Variants in DPP6 observed in about 807,000 individuals in gnomAD.
DPP6 encodes the protein dipeptidyl peptidase like 6, also known as A-type potassium channel modulatory protein DPP6.
Under a neutral mutation model 122.6 loss-of-function variants are expected in DPP6, and 69 were observed. The ratio of observed to expected loss-of-function variants is 0.56; its 90% CI spans 0.46 to 0.69. DPP6 has a LOEUF of 0.69. Ranked by LOEUF, DPP6 falls within the 30% of genes least tolerant of loss-of-function variation. DPP6 has a pLI of 0.00. For synonymous variants in DPP6, 418 were observed against 433.1 expected (o/e 0.97, Z 0.43); for missense variants, 928 against 1,116.9 (o/e 0.83, Z 2.41).
chr7:154,786,112 T>C (rs937952217), intron 10 of DPP6, among the ~76,000 whole-genome samples: 59 of 152,230 alleles, frequency 3.9e-4, no homozygotes, highest in African/African-American at 1.4e-3. Context: ...TCACGTGATT[T>C]ACTCCCTCTT....
chr7:154,498,916 T>G (rs744684), intron 3 of DPP6, among the ~76,000 whole-genome samples: 33,897 of 152,102 alleles, frequency 0.22, 4,236 homozygotes, highest in East Asian at 0.38. Context: ...TACTATTCTA[T>G]ATCCCTGCTC....
intron 5 of DPP6, among the ~76,000 whole-genome samples, chr7:154,610,925 A>G (rs28588717): frequency 0.4 from 61,166 of 151,616 alleles, 13,280 homozygotes; most frequent in East Asian, 0.65. Context: ...CTAACCTCTC[A>G]CCTTTGTAAG....
intron 5 of DPP6, among the ~76,000 whole-genome samples, chr7:154,621,829 C>A (rs1218126543): frequency 6.6e-6 from 1 of 152,174 alleles, no homozygotes; most frequent in Non-Finnish European, 1.5e-5. Context: ...GGCACTTCAA[C>A]CTGCTGGCAA....
chr7:154,529,871 A>G (rs1201001918), intron 3 of DPP6, among the ~76,000 whole-genome samples: 1 of 152,250 alleles, frequency 6.6e-6, no homozygotes, highest in African/African-American at 2.4e-5. Context: ...CATGCCTATA[A>G]TCCCAGCACT....
chr7:154,668,062 C>G (rs2131093153), intron 6 of DPP6, among the ~76,000 whole-genome samples: 1 of 150,264 alleles, frequency 6.7e-6, no homozygotes, highest in South Asian at 2.2e-4. Context: ...TCCTTAGCCC[C>G]TTCACCTTCC....
At chr7:154,332,695 G>A (rs1809057180) in intron 1 of DPP6, among the ~76,000 whole-genome samples, 2 of 152,204 alleles carry the variant, frequency 1.3e-5, no homozygotes, top group African/African-American at 4.8e-5. Flanking sequence ...ATGGATCTAG[G>A]TTTATAAAGT....
intron 5 of DPP6, among the ~76,000 whole-genome samples, chr7:154,575,162 GTA>G (rs1831481057): frequency 7.3e-6 from 1 of 136,400 alleles, no homozygotes; most frequent in South Asian, 2.5e-4. Flanking sequence ...TGGTCTGTGT[GTA>G]TGTGTGTGGG....
intron 16 of DPP6, among the ~76,000 whole-genome samples, chr7:154,832,364 T>C (rs73483991): frequency 0.028 from 4,337 of 152,214 alleles, 195 homozygotes; most frequent in African/African-American, 0.098. Flanking sequence ...ACGATAAGTA[T>C]GCATTTGCAT....
intron 1 of DPP6, among the ~76,000 whole-genome samples, chr7:154,419,884 A>G (rs1817317655): frequency 6.6e-6 from 1 of 152,228 alleles, no homozygotes; most frequent in Non-Finnish European, 1.5e-5. Flanking sequence ...AAGAGACACC[A>G]GCACCCCCAT....
chr7:154,433,142 T>TTTTTTTTG (rs1201855873), intron 1 of DPP6, among the ~76,000 whole-genome samples: 3 of 112,388 alleles, frequency 2.7e-5, no homozygotes, highest in African/African-American at 1.5e-4. Flanking sequence ...GCAAGTTTTT[T>TTTTTTTTG]TTTTTTTTTT....
At chr7:154,362,005 T>C (rs1257069687) in intron 1 of DPP6, among the ~76,000 whole-genome samples, 1 of 152,242 alleles carries the variant, frequency 6.6e-6, no homozygotes, top group African/African-American at 2.4e-5. Flanking sequence ...ACACTGACCA[T>C]CTTGCAGTCA....
At chr7:154,849,672 T>C (rs1006995019) in intron 16 of DPP6, among the ~76,000 whole-genome samples, 4 of 152,242 alleles carry the variant, frequency 2.6e-5, no homozygotes, top group African/African-American at 9.6e-5. Flanking sequence ...TTTTCTTGCC[T>C]AATTGCTCTT....
At chr7:154,388,460 C>T (rs1438450896) in intron 1 of DPP6, among the ~76,000 whole-genome samples, 1 of 152,160 alleles carries the variant, frequency 6.6e-6, no homozygotes, top group Non-Finnish European at 1.5e-5. Context: ...CCCAAGTCTT[C>T]CCCCCAAAAC....
intron 1 of DPP6, among the ~76,000 whole-genome samples, chr7:154,027,694 C>T (rs2129053664): frequency 1.3e-5 from 2 of 151,926 alleles, no homozygotes; most frequent in East Asian, 1.9e-4. Context: ...TGAACAGAGA[C>T]TTCTGGAGTT....
chr7:154,641,133 C>T (rs779965946), intron 6 of DPP6, among the ~76,000 whole-genome samples: 20 of 152,172 alleles, frequency 1.3e-4, no homozygotes, highest in Non-Finnish European at 2.1e-4. Flanking sequence ...AGCTTCCTTC[C>T]TCCGATGGCT....
chr7:154,634,770 G>C (rs73489826), intron 5 of DPP6, among the ~76,000 whole-genome samples: 10,391 of 150,932 alleles, frequency 0.069, 1,163 homozygotes, highest in African/African-American at 0.24. Context: ...TGCTCTCCCC[G>C]TTTCTTATGA....
At chr7:154,859,167 C>G (rs141531084) in intron 17 of DPP6, among the ~76,000 whole-genome samples, 52 of 152,340 alleles carry the variant, frequency 3.4e-4, no homozygotes, top group Admixed American at 1.8e-3. Flanking sequence ...GGTCAAAAAT[C>G]ACCCCTGGTT....
At chr7:154,016,195 T>G (rs1347805110) in intron 1 of DPP6, among the ~76,000 whole-genome samples, 2 of 152,044 alleles carry the variant, frequency 1.3e-5, no homozygotes, top group Non-Finnish European at 2.9e-5. Flanking sequence ...CCACACAATC[T>G]CTTTGTCTTG....
In DPP6 at chr7:154,483,797, C is replaced by T. The variant is rs1429699941; in HGVS notation, c.457+8760C>T. Reference sequence around the variant, plus strand: ...GCAACCTCCACCTCCCGGGTTCAAGCGATTCTCCTGCCTCAGCCTCCCTAG... The same window carrying T: ...GCAACCTCCACCTCCCGGGTTCAAGTGATTCTCCTGCCTCAGCCTCCCTAG... On this transcript the variant is annotated intron_variant, in intron 3 of 25. Coordinates refer to ENST00000377770, the MANE Select transcript of DPP6 (RefSeq NM_130797.4). The surrounding 1 kb of genome is among the most constrained non-coding windows in gnomAD (Gnocchi z 8.1). Among the ~76,000 whole-genome samples the T allele has an allele frequency of 6.6e-6, 1 of 152,156 alleles. No homozygotes were observed. Among genetic ancestry groups the T allele is most frequent in the Non-Finnish European group, 1.5e-5 (1 of 68,030 alleles).
Sources: allele counts gnomAD v4.1 joint callset (sites outside exome capture counted in the v4.1 genomes callset), GRCh38; gene constraint gnomAD v4.1.1; non-coding constraint Gnocchi (gnomAD v3.1); transcripts MANE v1.5; gene names NCBI Gene and HGNC (gene_info 2026-07-23, HGNC 2026-07-21).